Variants in KIAA1328 observed in about 807,000 individuals in gnomAD.
KIAA1328 encodes protein hinderin.
Under a neutral mutation model 68.1 loss-of-function variants are expected in KIAA1328, and 52 were observed. The ratio of observed to expected loss-of-function variants is 0.76; its 90% confidence interval spans 0.61 to 0.96. The LOEUF is 0.96. Among genes scored for constraint, KIAA1328 ranks in the 40% least tolerant of loss-of-function variants. The pLI is 0.00. For synonymous variants in KIAA1328, 232 were observed against 239.4 expected (o/e 0.97, Z 0.28); for missense variants, 641 against 677.6 (o/e 0.95, Z 0.60).
intron 5 of KIAA1328, among the ~76,000 whole-genome samples, chr18:36,957,974 CT>C (rs2051494357): frequency 6.6e-6 from 1 of 152,146 alleles, no homozygotes; most frequent in African/African-American, 2.4e-5. Context: ...TTCTTCTCCC[CT>C]AACCCTTAGC....
At chr18:37,090,392 G>T (rs1422912597) in intron 7 of KIAA1328, among the ~76,000 whole-genome samples, 1 of 152,150 alleles carries the variant, frequency 6.6e-6, no homozygotes, top group Non-Finnish European at 1.5e-5. Flanking sequence ...ATTCTTGATT[G>T]TATTTTCTAA....
chr18:37,098,457 G>A (rs1246182935), intron 7 of KIAA1328, among the ~76,000 whole-genome samples: 1 of 152,174 alleles, frequency 6.6e-6, no homozygotes, highest in Non-Finnish European at 1.5e-5. Context: ...TTTTTGATGT[G>A]CTGCTGGATT....
At chr18:37,214,344 A>T (rs2060381341) in intron 9 of KIAA1328, among the ~76,000 whole-genome samples, 1 of 152,150 alleles carries the variant, frequency 6.6e-6, no homozygotes, top group Non-Finnish European at 1.5e-5. Context: ...TAAAGAAGGG[A>T]TCCAGTTTCA....
At chr18:37,108,077 G>A (rs1282473093) in intron 7 of KIAA1328, among the ~76,000 whole-genome samples, 8 of 152,078 alleles carry the variant, frequency 5.3e-5, no homozygotes, top group Admixed American at 2.0e-4. Context: ...GCACTTGTAC[G>A]TTCATTACTG....
At chr18:36,835,517 G>C in intron 3 of KIAA1328, 141 bp downstream of exon 3, 1 of 848,566 alleles carries the variant, frequency 1.2e-6, no homozygotes, top group Non-Finnish European at 1.8e-6. Context: ...AGGATCCTTT[G>C]ATGATGCCAG....
rs2154226294 is a variant in KIAA1328, at chr18:37,222,435, A to G, written c.*208A>G. The G allele has an allele frequency of 7.1e-7, 1 of 1,410,212 alleles. No individual in the cohort carries two copies. Among genetic ancestry groups the G allele is most frequent in the Non-Finnish European group, 9.2e-7 (1 of 1,086,168 alleles). 87.4% of individuals were successfully genotyped at this position (1,410,212 alleles called of 1,614,324 possible). On this transcript the variant is annotated 3_prime_UTR_variant, in exon 10 of 10. Transcript: ENST00000280020. ...GCATTCGATAACACACTAAGGGGGTAGGAATGGAAGATGGTATCTTTTATA... is the reference window on the plus strand; with the variant it reads ...GCATTCGATAACACACTAAGGGGGTGGGAATGGAAGATGGTATCTTTTATA...
At chr18:37,007,535 A>G (rs1240558636) in intron 6 of KIAA1328, among the ~76,000 whole-genome samples, 1 of 152,224 alleles carries the variant, frequency 6.6e-6, no homozygotes, top group Non-Finnish European at 1.5e-5. Flanking sequence ...CTGGTAATAT[A>G]TACTCTAAAA....
rs150894911 is a variant in KIAA1328, at chr18:36,980,392, G to A, written c.576+20957G>A. Among the ~76,000 whole-genome samples, 445 of 152,124 alleles carry A rather than the reference G, an allele frequency of 2.9e-3. 1 individual carries two copies. The highest frequency in any genetic ancestry group is 0.01 in the Middle Eastern group (3 of 294). On this transcript the variant is annotated intron_variant, in intron 6 of 9. Coordinates refer to ENST00000280020, the MANE Select transcript of KIAA1328 (RefSeq NM_020776.3). The stretch of plus-strand genomic sequence containing the variant: ...TGGGGCTGGTCAGGGTCCATATGAT[G>A]TTTCTCTTGATAAGGAAGGAGAATT...
At chr18:37,096,368 G>C (rs538997642) in intron 7 of KIAA1328, among the ~76,000 whole-genome samples, 1 of 152,010 alleles carries the variant, frequency 6.6e-6, no homozygotes, top group African/African-American at 2.4e-5. Context: ...GAGAATGATG[G>C]TTTCCAGCTT....
chr18:37,114,143 T>C (rs1196742813), intron 7 of KIAA1328, among the ~76,000 whole-genome samples: 1 of 152,108 alleles, frequency 6.6e-6, no homozygotes, highest in Non-Finnish European at 1.5e-5. Context: ...TGAACTCAGC[T>C]CTGCATCAAG....
In KIAA1328 at chr18:37,225,022, G is replaced by GGGGACTTTTCTA. The variant is rs2060621957; in HGVS notation, c.*2797_*2808dup. Reference sequence around the variant, plus strand: ...TTTATCCAAACCTGATCCCCATGATGGGGACTTTTCTAGAGCACCCCAAAT... The same window carrying GGGGACTTTTCTA: ...TTTATCCAAACCTGATCCCCATGATGGGGACTTTTCTAGGGACTTTTCTAGAGCACCCCAAAT... On this transcript the variant is annotated 3_prime_UTR_variant, in exon 10 of 10. Transcript: ENST00000280020. The GGGGACTTTTCTA allele has an allele frequency of 1.0e-6, 1 of 985,312 alleles. No homozygotes were observed. Among genetic ancestry groups the GGGGACTTTTCTA allele is most frequent in the Non-Finnish European group, 1.2e-6 (1 of 829,950 alleles). 61.0% of individuals were successfully genotyped at this position (985,312 alleles called of 1,614,324 possible).
intron 5 of KIAA1328, among the ~76,000 whole-genome samples, chr18:36,906,470 T>C (rs1215112104): frequency 6.6e-6 from 1 of 152,194 alleles, no homozygotes; most frequent in Non-Finnish European, 1.5e-5. Flanking sequence ...ACTGGCTTTT[T>C]AAACTTAGCA....
At chr18:37,221,971 T>C (rs1215629839) in intron 9 of KIAA1328, 46 bp from the exon 10 acceptor site, 1 of 1,573,274 alleles carries the variant, frequency 6.4e-7, no homozygotes, top group Non-Finnish European at 8.7e-7. Context: ...GAATTCTCAT[T>C]TTCTAATAAT....
At chr18:37,041,946 C>G (rs532202091) in intron 6 of KIAA1328, among the ~76,000 whole-genome samples, 2 of 152,222 alleles carry the variant, frequency 1.3e-5, no homozygotes, top group South Asian at 2.1e-4. Flanking sequence ...GCCTGGAGTG[C>G]AGTGGTGCAA....
At chr18:36,879,885 A>G (rs946506612) in intron 4 of KIAA1328, among the ~76,000 whole-genome samples, 5 of 152,088 alleles carry the variant, frequency 3.3e-5, no homozygotes, top group Admixed American at 6.5e-5. Flanking sequence ...TTCCCTCACC[A>G]AGCTGGAGAG....
intron 9 of KIAA1328, among the ~76,000 whole-genome samples, chr18:37,200,570 G>T (rs2060089561): frequency 6.6e-6 from 1 of 151,998 alleles, no homozygotes; most frequent in South Asian, 2.1e-4. Flanking sequence ...CCAGCACTTT[G>T]GGAGGCCGAG....
downstream of KIAA1328, among the ~76,000 whole-genome samples, chr18:37,228,476 C>G (rs1298458993): frequency 6.6e-6 from 1 of 152,104 alleles, no homozygotes; most frequent in Non-Finnish European, 1.5e-5. Context: ...CCACACTGAT[C>G]AGTCAGTAGC....
rs553642325 is a variant in KIAA1328 at position 36,964,543 on chromosome 18, C to T, written c.576+5108C>T. 3.3e-5 allele frequency among the ~76,000 whole-genome samples: 5 copies of T among 152,264 alleles called. No homozygotes were observed. The East Asian group carries it at 9.6e-4, about 29-fold the overall frequency. ...AGCTTATGATTTTTGTTTTTGACAT[C>T]TGTCATTTCCTTGAAAACAAGTTGG... On this transcript the variant is annotated intron_variant, in intron 6 of 9. Coordinates refer to ENST00000280020, the MANE Select transcript of KIAA1328 (RefSeq NM_020776.3).
intron 7 of KIAA1328, among the ~76,000 whole-genome samples, chr18:37,129,391 A>G (rs1316402468): frequency 6.6e-6 from 1 of 152,236 alleles, no homozygotes; most frequent in African/African-American, 2.4e-5. Flanking sequence ...TATGGAATGC[A>G]ACCTACTGCA....
Sources: gnomAD v4.1 joint callset for allele counts (sites outside exome capture counted in the v4.1 genomes callset) on GRCh38, gnomAD v4.1.1 for gene constraint, MANE v1.5 for transcripts, NCBI Gene and HGNC (gene_info 2026-07-23, HGNC 2026-07-21) for gene names.